KCNAB1: variants seen among roughly 807,000 people sequenced by gnomAD.
KCNAB1 encodes potassium voltage-gated channel subfamily A regulatory beta subunit 1, also known as voltage-gated potassium channel subunit beta-1.
A neutral mutation model predicts 64.6 loss-of-function variants in KCNAB1; 35 were observed. The observed-to-expected ratio is 0.54, with a 90% CI of 0.41 to 0.72. KCNAB1 has a LOEUF of 0.72. Among genes scored for constraint, KCNAB1 ranks in the 30% least tolerant of loss-of-function variants. The pLI, the probability that KCNAB1 is intolerant of heterozygous loss-of-function variation, is 0.00. For missense variants in KCNAB1, 401 were observed against 512.9 expected (o/e 0.78, Z 2.11); for synonymous variants, 177 against 183.8 (o/e 0.96, Z 0.30).
intron 1 of KCNAB1, among the ~76,000 whole-genome samples, chr3:156,259,464 A>G (rs1718301210): frequency 6.6e-6 from 1 of 152,106 alleles, no homozygotes; most frequent in South Asian, 2.1e-4. Flanking sequence ...AAAAGGAGAT[A>G]TTTCTTTTTG....
intron 13 of KCNAB1, among the ~76,000 whole-genome samples, chr3:156,536,031 T>G (rs1719033977): frequency 6.6e-6 from 1 of 152,232 alleles, no homozygotes; most frequent in African/African-American, 2.4e-5. Context: ...TCCAGTTCAC[T>G]TTTCCATGCT....
At chr3:156,238,193 G>A (rs1209111849) in intron 1 of KCNAB1, among the ~76,000 whole-genome samples, 1 of 152,148 alleles carries the variant, frequency 6.6e-6, no homozygotes, top group Admixed American at 6.5e-5. Context: ...GGAGGCCGAG[G>A]CGGCGGATCA....
intron 1 of KCNAB1, among the ~76,000 whole-genome samples, chr3:156,257,521 A>T (rs537020024): frequency 1.3e-5 from 2 of 152,314 alleles, no homozygotes; most frequent in Non-Finnish European, 2.9e-5. Context: ...CCCTACTCTG[A>T]GGACAGCTTC....
chr3:156,128,384 G>T (rs1258578341), intron 1 of KCNAB1, among the ~76,000 whole-genome samples: 1 of 152,230 alleles, frequency 6.6e-6, no homozygotes, highest in Non-Finnish European at 1.5e-5. Context: ...TTTTGAAGTT[G>T]TAGGAGAAGG....
At chr3:156,483,264 T>C (rs767693399) in intron 8 of KCNAB1, among the ~76,000 whole-genome samples, 6 of 152,146 alleles carry the variant, frequency 3.9e-5, no homozygotes, top group Non-Finnish European at 7.4e-5. Flanking sequence ...CCATGACCTG[T>C]AGCTCATCAT....
At chr3:156,131,864 G>A (rs1007343885) in intron 1 of KCNAB1, among the ~76,000 whole-genome samples, 64 of 152,188 alleles carry the variant, frequency 4.2e-4, no homozygotes, top group African/African-American at 1.5e-3. Context: ...TTCTAAGCTG[G>A]GCCATAGCTG....
At chr3:156,181,012 A>G (rs7640712) in intron 1 of KCNAB1, among the ~76,000 whole-genome samples, 85,786 of 152,010 alleles carry the variant, frequency 0.56, 25,011 homozygotes, top group East Asian at 0.9. Context: ...TGGCTTACAG[A>G]GAGCTGCCTT....
chr3:156,536,623 A>G (rs753544280), intron 13 of KCNAB1, 35 bp from the exon 14 acceptor site: 6 of 1,415,860 alleles, frequency 4.2e-6, no homozygotes, highest in South Asian at 2.3e-5. Context: ...CAACACTGCT[A>G]ACAATATCCT....
chr3:156,452,776 C>A lies in KCNAB1; in HGVS notation c.320-123C>A, dbSNP rs1712104136. 1.5e-6 allele frequency: 1 copy of A among 668,572 alleles called. No individual in the cohort carries two copies. Among genetic ancestry groups the A allele is most frequent in the Non-Finnish European group, 2.6e-6 (1 of 381,182 alleles). The allele number at this position is 668,572 out of a possible 1,614,324, so 41.4% of individuals were successfully genotyped here. ...CCACAGCCCACATGTGCCCCTCATC[C>A]AGGTACCTTTGTGAACTACCCATAC... On this transcript the variant is annotated intron_variant, in intron 2 of 13. Transcript: ENST00000490337. This position sits in a 1 kb window ranked among gnomAD's most constrained non-coding sequence, Gnocchi z 4.6.
intron 11 of KCNAB1, among the ~76,000 whole-genome samples, chr3:156,517,191 T>A (rs1179212338): frequency 6.6e-6 from 1 of 152,238 alleles, no homozygotes. Flanking sequence ...CTTGCCTCCA[T>A]CAGCACTAAA....
intron 1 of KCNAB1, among the ~76,000 whole-genome samples, chr3:156,221,542 C>T (rs1715735425): frequency 6.6e-6 from 1 of 152,050 alleles, no homozygotes; most frequent in African/African-American, 2.4e-5. Context: ...ACTTTGAGGG[C>T]TGAGGCGGGT....
At position 156,514,420 on chromosome 3, in the gene KCNAB1, A is replaced by C. The variant is rs781350936; in HGVS notation, c.715A>C (p.Thr239Pro). 3.7e-6 allele frequency: 6 copies of C among 1,613,922 alleles called. No homozygotes were observed. ...CCAAGGCATGGCGATGTACTGGGGC[A>C]CCTCGAGATGGAGTGCTATGGAGAT... The part of the protein sequence containing the change: ...INQGMAMYWG[T>P]SRWSAMEIME... Residue 239 changes from threonine (T) to proline (P), a missense_variant, in exon 9 of 14, where the codon ACC (threonine) becomes CCC (proline). Thr to Pro is a conservative substitution (Grantham distance 38). Transcript: ENST00000490337.
At chr3:156,151,541 C>G (rs1464420704) in intron 1 of KCNAB1, among the ~76,000 whole-genome samples, 2 of 152,178 alleles carry the variant, frequency 1.3e-5, no homozygotes, top group African/African-American at 4.8e-5. Flanking sequence ...AAGAACACAT[C>G]TGGGCTATTT....
At chr3:156,379,200 G>A (rs989107855) in intron 1 of KCNAB1, among the ~76,000 whole-genome samples, 1 of 152,196 alleles carries the variant, frequency 6.6e-6, no homozygotes, top group African/African-American at 2.4e-5. Context: ...TCTGAGCTTG[G>A]TTGATTTAAC....
chr3:156,125,320 T>A (rs1713591766), intron 1 of KCNAB1, among the ~76,000 whole-genome samples: 1 of 152,142 alleles, frequency 6.6e-6, no homozygotes, highest in Non-Finnish European at 1.5e-5. Context: ...CCAACAAAAG[T>A]ATATACTTCA....
intron 1 of KCNAB1, among the ~76,000 whole-genome samples, chr3:156,255,341 G>A (rs770788991): frequency 6.6e-6 from 1 of 152,202 alleles, no homozygotes; most frequent in Non-Finnish European, 1.5e-5. Flanking sequence ...TTACTGTCAT[G>A]GAAGCAAATT....
chr3:156,354,047 A>ATG (rs368761986), intron 1 of KCNAB1, among the ~76,000 whole-genome samples: 13,132 of 137,484 alleles, frequency 0.096, 638 homozygotes, highest in South Asian at 0.21. Context: ...GTGTATATAT[A>ATG]TGTGTGTGTG....
At chr3:156,156,882 T>C (rs906992527) in intron 1 of KCNAB1, among the ~76,000 whole-genome samples, 1 of 152,012 alleles carries the variant, frequency 6.6e-6, no homozygotes, top group African/African-American at 2.4e-5. Context: ...CATAAAGCCA[T>C]GAGATAAGCA....
intron 7 of KCNAB1, among the ~76,000 whole-genome samples, chr3:156,469,132 C>T (rs1006965991): frequency 6.6e-6 from 1 of 151,730 alleles, no homozygotes; most frequent in Non-Finnish European, 1.5e-5. Flanking sequence ...AATATAAAAT[C>T]GAAGAGAAAA....
Sources: gnomAD v4.1 joint callset for allele counts (sites outside exome capture counted in the v4.1 genomes callset) on GRCh38, gnomAD v4.1.1 for gene constraint, Gnocchi (gnomAD v3.1) non-coding constraint, MANE v1.5 for transcripts, NCBI Gene and HGNC (gene_info 2026-07-23, HGNC 2026-07-21) for gene names.